Variants in IKBKB observed in about 807,000 individuals in gnomAD.
IKBKB encodes inhibitor of nuclear factor kappa B kinase subunit beta.
IKBKB carries 42 observed loss-of-function variants against 113.6 expected under a neutral mutation model. The observed-to-expected ratio is 0.37, with a 90% CI of 0.29 to 0.48. IKBKB has a LOEUF of 0.48. Among genes scored for constraint, IKBKB ranks in the 20% least tolerant of loss-of-function variants. The probability of loss-of-function intolerance (pLI) is 0.99; values close to 1 mark genes in which losing one functional copy is unlikely to be tolerated. For missense variants in IKBKB, 673 were observed against 939.7 expected (o/e 0.72, Z 3.71); for synonymous variants, 296 against 361.3 (o/e 0.82, Z 2.05).
At chr8:42,278,446 G>GA (rs923822741) in intron 2 of IKBKB, among the ~76,000 whole-genome samples, 1 of 152,192 alleles carries the variant, frequency 6.6e-6, no homozygotes, top group South Asian at 2.1e-4. Flanking sequence ...AGCGTGCTGG[G>GA]AAAAAATCAG....
chr8:42,320,475 G>C (rs893604459), intron 15 of IKBKB: 2 of 408,992 alleles, frequency 4.9e-6, no homozygotes, highest in Non-Finnish European at 8.8e-6. Context: ...CTCCTCAGAT[G>C]GCCCTGTTAG....
chr8:42,321,845 A>G lies in IKBKB; in HGVS notation c.1689-51A>G, dbSNP rs965832786. On this transcript the variant is annotated intron_variant, in intron 16 of 21. Coordinates refer to ENST00000520810, the MANE Select transcript of IKBKB (RefSeq NM_001556.3). ...CTACCTCTACCAAAAAAATGTAAAA[A>G]TTAGCCATATTTGACCTCAAGTCTA... 2.2e-6 allele frequency: 3 copies of G among 1,366,306 alleles called. No homozygotes were observed. The African/African-American group carries it at 4.4e-5, about 20-fold the overall frequency. 84.6% of individuals were successfully genotyped at this position (1,366,306 alleles called of 1,614,324 possible).
At position 42,331,510 on chromosome 8, in the gene IKBKB, A is replaced by G; in HGVS notation, c.*531A>G. The G allele has an allele frequency of 1.5e-6, 1 of 665,292 alleles. No individual in the cohort carries two copies. Among genetic ancestry groups the G allele is most frequent in the Non-Finnish European group, 2.7e-6 (1 of 365,944 alleles). 41.2% of individuals were successfully genotyped at this position (665,292 alleles called of 1,614,324 possible). On this transcript the variant is annotated 3_prime_UTR_variant, in exon 22 of 22. Transcript: ENST00000520810. ...TACAGCTTGTGTTTCTTCTGGATTC[A>G]GCTTCTCCTAAACAGACAGTTTAAT... is the stretch of plus-strand genomic sequence containing the variant.
chr8:42,301,188 T>C (rs1815137363), intron 5 of IKBKB, among the ~76,000 whole-genome samples: 1 of 152,234 alleles, frequency 6.6e-6, no homozygotes, highest in Non-Finnish European at 1.5e-5. Flanking sequence ...CTTAATAGTT[T>C]GCAATGTGGT....
intron 21 of IKBKB, chr8:42,330,014 C>G: frequency 5.1e-6 from 5 of 985,446 alleles, no homozygotes; most frequent in Non-Finnish European, 6.0e-6. Flanking sequence ...ATATCTCTTG[C>G]TGCTCTCCTC....
intron 8 of IKBKB, chr8:42,309,590 A>T (rs1817299141): frequency 3.6e-6 from 1 of 274,158 alleles, no homozygotes; most frequent in African/African-American, 2.3e-5. Context: ...CCCTGTCTCT[A>T]CTAAAAACCC....
At chr8:42,312,035 C>T (rs1188260932) in intron 8 of IKBKB, among the ~76,000 whole-genome samples, 2 of 152,022 alleles carry the variant, frequency 1.3e-5, no homozygotes, top group South Asian at 2.1e-4. Flanking sequence ...TACAGGCGCC[C>T]GCCACCACGC....
Position 42,331,353 on chromosome 8 carries a change from G to A in IKBKB, c.*374G>A. Reference sequence around the variant, plus strand: ...TCCTCTGCCGTGAGAAAAGTGCTTGGAGTACGGTTTGCCACACACGTGACT... The same window carrying A: ...TCCTCTGCCGTGAGAAAAGTGCTTGAAGTACGGTTTGCCACACACGTGACT... On this transcript the variant is annotated 3_prime_UTR_variant, in exon 22 of 22. Coordinates refer to ENST00000520810, the MANE Select transcript of IKBKB (RefSeq NM_001556.3). The A allele has an allele frequency of 1.4e-6, 1 of 702,924 alleles. No individual in the cohort carries two copies. The highest frequency in any genetic ancestry group is 2.6e-6 in the Non-Finnish European group (1 of 385,024). 43.5% of individuals were successfully genotyped at this position (702,924 alleles called of 1,614,324 possible).
intron 2 of IKBKB, among the ~76,000 whole-genome samples, chr8:42,281,490 G>A (rs927219930): frequency 2.0e-5 from 3 of 152,210 alleles, no homozygotes; most frequent in Admixed American, 6.5e-5. Flanking sequence ...TCCTGAGCCC[G>A]AGTGCCTGGC....
At chr8:42,288,373 C>G (rs922735856) in intron 2 of IKBKB, among the ~76,000 whole-genome samples, 9 of 138,436 alleles carry the variant, frequency 6.5e-5, no homozygotes, top group African/African-American at 2.3e-4. Context: ...GGCGACAGAG[C>G]AAGACTCCAT....
chr8:42,279,052 G>A (rs1263340029), intron 2 of IKBKB, among the ~76,000 whole-genome samples: 1 of 152,172 alleles, frequency 6.6e-6, no homozygotes, highest in African/African-American at 2.4e-5. Flanking sequence ...GCTTAGTGGT[G>A]GAGTAGAGGT....
At position 42,308,161 on chromosome 8, in the gene IKBKB, A is replaced by C. The variant is rs868081954; in HGVS notation, c.568-740A>C. 2.0e-5 allele frequency among the ~76,000 whole-genome samples: 3 copies of C among 152,108 alleles called. No individual in the cohort carries two copies. In the East Asian group the frequency reaches 5.8e-4, roughly 29 times the overall value. ...GTGTATTTGGTGTGGACAGCCTGGCATCATTTTCCTTTAACATTTGTAGCC... is the reference window on the plus strand; with the variant it reads ...GTGTATTTGGTGTGGACAGCCTGGCCTCATTTTCCTTTAACATTTGTAGCC... On this transcript the variant is annotated intron_variant, in intron 7 of 21. Transcript: ENST00000520810.
chr8:42,296,040 T>C (rs1031640975), intron 5 of IKBKB, among the ~76,000 whole-genome samples: 6 of 152,232 alleles, frequency 3.9e-5, no homozygotes, highest in Admixed American at 3.3e-4. Flanking sequence ...ATTCTGTAGG[T>C]TGCTGATTCT....
chr8:42,273,572 A>C (rs968306533), intron 2 of IKBKB, among the ~76,000 whole-genome samples: 1 of 152,046 alleles, frequency 6.6e-6, no homozygotes, highest in Non-Finnish European at 1.5e-5. Context: ...AATAATTAAC[A>C]TTTTTTTAAA....
intron 19 of IKBKB, chr8:42,325,230 T>C: frequency 2.0e-6 from 2 of 985,604 alleles, no homozygotes; most frequent in Non-Finnish European, 2.4e-6. Flanking sequence ...CCCTTCGGGC[T>C]GGGAGGGGCA....
intron 8 of IKBKB, among the ~76,000 whole-genome samples, chr8:42,313,309 G>A (rs751013335): frequency 2.6e-5 from 4 of 152,080 alleles, no homozygotes; most frequent in Non-Finnish European, 4.4e-5. Context: ...AAATTTGCTG[G>A]GTGTGGTGGC....
At chr8:42,324,778 G>C (rs1256106431) in intron 19 of IKBKB, 1 of 153,404 alleles carries the variant, frequency 6.5e-6, no homozygotes, top group East Asian at 1.9e-4. Context: ...AGAACAGGGT[G>C]GGGCAGGAGC....
At chr8:42,325,378 G>C in intron 19 of IKBKB, 1 of 986,164 alleles carries the variant, frequency 1.0e-6, no homozygotes, top group Non-Finnish European at 1.2e-6. Context: ...ATACTTTCCT[G>C]TTCTTTTCTT....
intron 8 of IKBKB, among the ~76,000 whole-genome samples, chr8:42,311,572 A>G (rs1186370608): frequency 6.6e-6 from 1 of 151,030 alleles, no homozygotes; most frequent in African/African-American, 2.4e-5. Flanking sequence ...CCAAAAAAAA[A>G]AAAAAAGAAA....
Sources: gnomAD v4.1 joint callset for allele counts (sites outside exome capture counted in the v4.1 genomes callset) on GRCh38, gnomAD v4.1.1 for gene constraint, MANE v1.5 for transcripts, NCBI Gene and HGNC (gene_info 2026-07-23, HGNC 2026-07-21) for gene names.